The following TDRD5 variants were observed in gnomAD, a reference collection of about 807,000 sequenced individuals.
TDRD5 encodes tudor domain containing 5.
In TDRD5, 41 loss-of-function variants were observed where a neutral mutation model predicts 120.6. The ratio of observed to expected loss-of-function variants is 0.34; its 90% CI spans 0.26 to 0.44. The LOEUF is 0.44. Among genes scored for constraint, TDRD5 ranks in the 20% least tolerant of loss-of-function variants. The probability of loss-of-function intolerance (pLI) is 1.00; values close to 1 mark genes in which losing one functional copy is unlikely to be tolerated. For missense variants in TDRD5, 1,006 were observed against 1,221.2 expected (o/e 0.82, Z 2.63); for synonymous variants, 430 against 433.7 (o/e 0.99, Z 0.11).
intron 4 of TDRD5, among the ~76,000 whole-genome samples, chr1:179,604,135 G>C (rs574592283): frequency 2.4e-4 from 36 of 151,814 alleles, no homozygotes; most frequent in South Asian, 8.4e-4. Flanking sequence ...ATTTATCCAT[G>C]TCTTCTAGGT....
At chr1:179,600,358 G>A (rs910977478) in intron 4 of TDRD5, among the ~76,000 whole-genome samples, 5 of 152,070 alleles carry the variant, frequency 3.3e-5, no homozygotes, top group Non-Finnish European at 7.4e-5. Context: ...ATACACAAAT[G>A]CTACTGTGTT....
chr1:179,651,454 A>T (rs188127630), intron 12 of TDRD5, among the ~76,000 whole-genome samples: 1 of 150,680 alleles, frequency 6.6e-6, no homozygotes, highest in Non-Finnish European at 1.5e-5. Flanking sequence ...CAGGGCGAAG[A>T]CTCTGTCTCA....
At chr1:179,632,826 T>C (rs566254459) in intron 7 of TDRD5, among the ~76,000 whole-genome samples, 4 of 152,310 alleles carry the variant, frequency 2.6e-5, no homozygotes, top group African/African-American at 9.6e-5. Context: ...CCATCATAAG[T>C]AGACAATACA....
intron 6 of TDRD5, among the ~76,000 whole-genome samples, chr1:179,623,625 C>CTTTTTTTTTTTTTTTTTT (rs11428251): frequency 1.0e-5 from 1 of 97,908 alleles, no homozygotes; most frequent in Non-Finnish European, 1.9e-5. Context: ...CCAACTCATT[C>CTTTTTTTTTTTTTTTTTT]TTTTTTTTTT....
At chr1:179,686,342 C>T (rs1291317878) in intron 17 of TDRD5, among the ~76,000 whole-genome samples, 3 of 152,142 alleles carry the variant, frequency 2.0e-5, no homozygotes, top group Non-Finnish European at 2.9e-5. Flanking sequence ...TGAGGAATTA[C>T]GTTTATTGAT....
chr1:179,607,691 C>T (rs1676049272), intron 4 of TDRD5, among the ~76,000 whole-genome samples: 1 of 151,888 alleles, frequency 6.6e-6, no homozygotes, highest in South Asian at 2.1e-4. Flanking sequence ...TCCCCTCTTC[C>T]ATCCTTTGTG....
intron 10 of TDRD5, 108 bp downstream of exon 10, chr1:179,640,159 C>T: frequency 8.1e-7 from 1 of 1,232,264 alleles, no homozygotes; most frequent in Non-Finnish European, 1.2e-6. Flanking sequence ...CCCTCCAATC[C>T]TTCCTTCCTT....
At chr1:179,683,483 T>C (rs565240398) in intron 17 of TDRD5, among the ~76,000 whole-genome samples, 3 of 152,352 alleles carry the variant, frequency 2.0e-5, no homozygotes, top group South Asian at 4.1e-4. Context: ...ATAGACACTA[T>C]AGTTTTATGA....
At chr1:179,624,870 A>T (rs1677034935) in intron 6 of TDRD5, among the ~76,000 whole-genome samples, 3 of 152,120 alleles carry the variant, frequency 2.0e-5, no homozygotes, top group African/African-American at 7.2e-5. Context: ...CTATTCGTAG[A>T]TACTAACAAA....
rs775230794 is a variant in TDRD5 at position 179,640,459 on chromosome 1, T to C, written c.1800+14T>C. 1 of 1,613,730 alleles carries C rather than the reference T, an allele frequency of 6.2e-7. No individual in the cohort carries two copies. The highest frequency in any genetic ancestry group is 8.5e-7 in the Non-Finnish European group (1 of 1,179,646). On this transcript the variant is annotated intron_variant, in intron 11 of 17. Transcript: ENST00000444136. Reference sequence around the variant, plus strand: ...AGACCAGTAGAGGTATGTTTGCTTGTCTCCCATTTAATCAGCAAACACTTG... The same window carrying C: ...AGACCAGTAGAGGTATGTTTGCTTGCCTCCCATTTAATCAGCAAACACTTG...
intron 4 of TDRD5, among the ~76,000 whole-genome samples, chr1:179,599,748 C>T (rs749558886): frequency 3.3e-5 from 5 of 152,134 alleles, no homozygotes; most frequent in Non-Finnish European, 5.9e-5. Flanking sequence ...TATACACAGT[C>T]ATGCACCACA....
intron 6 of TDRD5, among the ~76,000 whole-genome samples, chr1:179,623,295 G>A (rs1251989224): frequency 6.6e-5 from 10 of 152,172 alleles, no homozygotes; most frequent in Non-Finnish European, 1.5e-4. Flanking sequence ...AATAAAGGAT[G>A]TAGTAAATAT....
At chr1:179,621,890 T>C (rs1245632674) in intron 6 of TDRD5, among the ~76,000 whole-genome samples, 1 of 152,166 alleles carries the variant, frequency 6.6e-6, no homozygotes, top group East Asian at 1.9e-4. Flanking sequence ...CATCCAGTAA[T>C]AGATGGAGCC....
intron 7 of TDRD5, 106 bp from the exon 8 acceptor site, chr1:179,634,351 G>T (rs1677639459): frequency 1.7e-6 from 2 of 1,156,772 alleles, no homozygotes; most frequent in Non-Finnish European, 2.4e-6. Context: ...CTGGTGTGTT[G>T]AAGGTGCTTA....
chr1:179,624,027 C>T (rs1024157009), intron 6 of TDRD5, among the ~76,000 whole-genome samples: 6 of 152,032 alleles, frequency 3.9e-5, no homozygotes, highest in East Asian at 3.9e-4. Flanking sequence ...TTTCTCGTAA[C>T]GTGGACACAA....
chr1:179,624,899 C>T (rs1006038739), intron 6 of TDRD5, among the ~76,000 whole-genome samples: 6 of 151,944 alleles, frequency 3.9e-5, no homozygotes, highest in Non-Finnish European at 8.8e-5. Context: ...TTTGGCCTTA[C>T]AGTGCATGCA....
chr1:179,654,711 T>A (rs6425584), intron 14 of TDRD5, among the ~76,000 whole-genome samples: 51,269 of 151,986 alleles, frequency 0.34, 8,886 homozygotes, highest in Admixed American at 0.42. Flanking sequence ...GAGGTGGCAG[T>A]GAGCTGAGAT....
At position 179,592,282 on chromosome 1, in the gene TDRD5, A is replaced by G. The variant is rs936727122; in HGVS notation, c.-15+157A>G. 14 of 280,162 alleles carry G rather than the reference A, an allele frequency of 5.0e-5. No homozygotes were observed. The South Asian group carries it at 5.2e-4, about 10-fold the overall frequency. The allele number at this position is 280,162 out of a possible 1,614,324, so 17.4% of individuals were successfully genotyped here. ...CGGCATTGCGTTGGCCTTAGTTCCT[A>G]GTCCTGGTTCCCGAGGAGCCCCTGA... On this transcript the variant is annotated intron_variant, in intron 1 of 17. Coordinates refer to ENST00000444136, the MANE Select transcript of TDRD5 (RefSeq NM_001199085.3).
chr1:179,684,098 G>A (rs980698766), intron 17 of TDRD5, among the ~76,000 whole-genome samples: 2 of 152,036 alleles, frequency 1.3e-5, no homozygotes, highest in African/African-American at 4.8e-5. Context: ...TGCACAGCGT[G>A]CAGGTTTGTT....
Sources: gnomAD v4.1 joint callset for allele counts (sites outside exome capture counted in the v4.1 genomes callset) on GRCh38, gnomAD v4.1.1 for gene constraint, MANE v1.5 for transcripts, NCBI Gene and HGNC (gene_info 2026-07-23, HGNC 2026-07-21) for gene names.